The following TCAF1 variants were observed in gnomAD, a reference collection of about 807,000 sequenced individuals.
TCAF1 encodes the protein TRPM8 channel-associated factor 1.
Under a neutral mutation model 27.3 loss-of-function variants are expected in TCAF1, and 4 were observed. The observed-to-expected ratio is 0.15, with a 90% CI of 0.07 to 0.34. The LOEUF (loss-of-function observed/expected upper bound fraction) is 0.34. Among genes scored for constraint, TCAF1 ranks in the 10% least tolerant of loss-of-function variants. TCAF1 has a pLI of 1.00. For synonymous variants in TCAF1, 105 were observed against 167.1 expected (o/e 0.63, Z 2.87); for missense variants, 257 against 425.8 (o/e 0.60, Z 3.49).
In TCAF1 at chr7:143,876,274, G is replaced by A. The variant is rs1392948135; in HGVS notation, c.335C>T (p.Ala112Val). The stretch of plus-strand genomic sequence containing the variant: ...GTCTTTCACTTCTGGCTCAACCTTT[G>A]CATCCACTCCAGAGCCCTCGAGGAT... ...AKILEGSGVD[A>V]KVEPEVKDSL... The change falls in exon 2 of 9, where the codon GCA (alanine) becomes GTA (valine). Residue 112 changes from alanine to valine, a missense_variant. Physicochemically the swap from Ala to Val is moderately conservative, Grantham distance 64 (BLOSUM62 0). Coordinates refer to ENST00000479870, the MANE Select transcript of TCAF1 (RefSeq NM_014719.3). 5 of 1,614,162 alleles carry A rather than the reference G, an allele frequency of 3.1e-6. No individual in the cohort carries two copies. Among genetic ancestry groups the A allele is most frequent in the Non-Finnish European group, 4.2e-6 (5 of 1,180,028 alleles).
chr7:143,872,241 AT>A (rs1163131676), intron 2 of TCAF1, among the ~76,000 whole-genome samples: 12 of 152,056 alleles, frequency 7.9e-5, no homozygotes, highest in Admixed American at 2.0e-4. Context: ...TAAAAAAGGG[AT>A]TTTTTTGAAC....
rs542954186 is a variant in TCAF1 at position 143,900,696 on chromosome 7, G to A, written c.-15+1265C>T. Among the ~76,000 whole-genome samples the A allele has an allele frequency of 6.6e-5, 10 of 152,296 alleles. No homozygotes were observed. The East Asian group carries it at 1.7e-3, about 26-fold the overall frequency. ...TTTTGTTTGTTCGCTTTGGTTTGAA[G>A]CTGCTAGGTGTTGGGGTAATTTGTT... is the stretch of plus-strand genomic sequence containing the variant. On this transcript the variant is annotated intron_variant, in intron 1 of 8. Coordinates refer to ENST00000479870, the MANE Select transcript of TCAF1 (RefSeq NM_014719.3).
rs1215175260 is a variant in TCAF1 at position 143,876,501 on chromosome 7, T to C, written c.108A>G (p.Ser36=). The C allele has an allele frequency of 6.3e-7, 1 of 1,585,480 alleles. No individual in the cohort carries two copies. The highest frequency in any genetic ancestry group is 1.2e-5 in the South Asian group (1 of 85,122). ...PCELLLIGEA[S]FPVMVNDMGQ... Reference sequence around the variant, plus strand: ...CCATGTCATTCACCATCACAGGAAATGAAGCCTCTCCAATAAGAAGCAGTT... The same window carrying C: ...CCATGTCATTCACCATCACAGGAAACGAAGCCTCTCCAATAAGAAGCAGTT... The change falls in exon 2 of 9, where the codon TCA becomes TCG. Residue 36 remains serine, a synonymous_variant. Transcript: ENST00000479870.
intron 1 of TCAF1, among the ~76,000 whole-genome samples, chr7:143,878,470 T>C (rs1812843738): frequency 6.6e-6 from 1 of 152,160 alleles, no homozygotes; most frequent in South Asian, 2.1e-4. Context: ...CAGGATAAAA[T>C]AGCCCCAGTC....
intron 6 of TCAF1, among the ~76,000 whole-genome samples, chr7:143,859,973 A>ATATT (rs1563211760): frequency 4.1e-4 from 6 of 14,636 alleles, no homozygotes; most frequent in African/African-American, 7.2e-4. Flanking sequence ...TATATTATAT[A>ATATT]ATATATATTA....
At chr7:143,882,224 G>T in intron 1 of TCAF1, 1 of 144,488 alleles carries the variant, frequency 6.9e-6, no homozygotes, top group Non-Finnish European at 1.2e-5. Flanking sequence ...ACACACGAAC[G>T]CTCACTCAAG....
At chr7:143,897,710 A>ATAGT (rs1813952455) in intron 1 of TCAF1, among the ~76,000 whole-genome samples, 4 of 152,262 alleles carry the variant, frequency 2.6e-5, no homozygotes, top group Admixed American at 2.6e-4. Flanking sequence ...TCCATAGGAA[A>ATAGT]ACCTAAATAG....
chr7:143,885,323 G>A, intron 1 of TCAF1: 1 of 985,564 alleles, frequency 1.0e-6, no homozygotes, highest in Non-Finnish European at 1.2e-6. Flanking sequence ...GTAGTGAAGT[G>A]GCTAGGAGGA....
chr7:143,881,543 AT>A (rs1359857287), intron 1 of TCAF1, among the ~76,000 whole-genome samples: 2 of 152,148 alleles, frequency 1.3e-5, no homozygotes, highest in African/African-American at 4.8e-5. Context: ...AGATTGTTTA[AT>A]TCATACACCT....
At chr7:143,859,939 T>A (rs1165034732) in intron 6 of TCAF1, among the ~76,000 whole-genome samples, 10 of 82,324 alleles carry the variant, frequency 1.2e-4, no homozygotes, top group Non-Finnish European at 1.8e-4. Flanking sequence ...ATAATATATA[T>A]TATATAATAT....
intron 5 of TCAF1, among the ~76,000 whole-genome samples, chr7:143,860,862 G>GCCT (rs1414196791): frequency 1.5e-5 from 2 of 137,754 alleles, no homozygotes; most frequent in African/African-American, 5.4e-5. Flanking sequence ...AGTTTGCTGA[G>GCCT]GCTATATCCC....
intron 1 of TCAF1, among the ~76,000 whole-genome samples, chr7:143,884,564 C>G (rs781431812): frequency 2.6e-5 from 4 of 152,138 alleles, no homozygotes; most frequent in Admixed American, 6.5e-5. Context: ...AGTTAAAACC[C>G]TGTAATACTG....
At chr7:143,875,741 C>T (rs1306649332) in intron 2 of TCAF1, among the ~76,000 whole-genome samples, 2 of 152,188 alleles carry the variant, frequency 1.3e-5, no homozygotes, top group East Asian at 3.8e-4. Context: ...AAGCAAGACA[C>T]TGGGACCATA....
chr7:143,859,981 T>TAATA (rs1811869901), intron 6 of TCAF1, among the ~76,000 whole-genome samples: 3 of 43,498 alleles, frequency 6.9e-5, no homozygotes, highest in African/African-American at 2.7e-4. Context: ...ATAATATATA[T>TAATA]TATATAATAT....
intron 1 of TCAF1, among the ~76,000 whole-genome samples, chr7:143,892,393 T>A (rs994053866): frequency 1.3e-5 from 2 of 151,960 alleles, no homozygotes; most frequent in Non-Finnish European, 1.5e-5. Context: ...TAAAATAATT[T>A]AAAAAATTAT....
At chr7:143,883,331 T>G (rs900123140) in intron 1 of TCAF1, among the ~76,000 whole-genome samples, 1 of 152,102 alleles carries the variant, frequency 6.6e-6, no homozygotes, top group Non-Finnish European at 1.5e-5. Flanking sequence ...CCCATTAATA[T>G]TGTTTAACTT....
intron 6 of TCAF1, among the ~76,000 whole-genome samples, chr7:143,859,953 T>C (rs1811848371): frequency 1.3e-4 from 5 of 37,454 alleles, no homozygotes; most frequent in Non-Finnish European, 2.8e-4. Flanking sequence ...ATAATATATA[T>C]TACGGAATAT....
At position 143,891,795 on chromosome 7, in the gene TCAF1, A is replaced by C. The variant is rs80261844; in HGVS notation, c.-15+10166T>G. ...TTTATGTTCCCCGAGCAGAATACAC[A>C]GAAAGAAAACTACATTGAGACACAT... On this transcript the variant is annotated intron_variant, in intron 1 of 8. Coordinates refer to ENST00000479870, the MANE Select transcript of TCAF1 (RefSeq NM_014719.3). 9.1e-3 allele frequency among the ~76,000 whole-genome samples: 1,379 copies of C among 152,290 alleles called. 24 individuals are homozygous for C. Among genetic ancestry groups the C allele is most frequent in the African/African-American group, 0.031 (1,292 of 41,564 alleles).
intron 1 of TCAF1, among the ~76,000 whole-genome samples, chr7:143,884,252 C>T (rs1165689768): frequency 6.6e-6 from 1 of 152,144 alleles, no homozygotes; most frequent in East Asian, 1.9e-4. Flanking sequence ...CCAACCCAAG[C>T]CATACTCCCT....
Sources: allele counts gnomAD v4.1 joint callset (sites outside exome capture counted in the v4.1 genomes callset), GRCh38; gene constraint gnomAD v4.1.1; transcripts MANE v1.5; gene names NCBI Gene and HGNC (gene_info 2026-07-23, HGNC 2026-07-21).